The following TMEM45B variants were observed in gnomAD, a reference collection of about 807,000 sequenced individuals.
TMEM45B encodes the protein transmembrane protein 45B.
In TMEM45B, 29 loss-of-function variants were observed where a neutral mutation model predicts 27.3. That is an observed-to-expected ratio of 1.06 (90% CI 0.79 to 1.45). TMEM45B has a LOEUF of 1.45. Among genes scored for constraint, TMEM45B ranks in the 40% most tolerant of loss-of-function variants. The pLI, the probability that TMEM45B is intolerant of heterozygous loss-of-function variation, is 0.00. For missense variants in TMEM45B, 348 were observed against 343.9 expected, an observed-to-expected ratio of 1.01 and a Z score of -0.09; for synonymous variants, 143 against 134.7, an observed-to-expected ratio of 1.06 and a Z score of -0.43.
chr11:129,819,741 A>T (rs992446134), intron 1 of TMEM45B, among the ~76,000 whole-genome samples: 1 of 151,810 alleles, frequency 6.6e-6, no homozygotes, highest in African/African-American at 2.4e-5. Context: ...TTTTTAGTAG[A>T]GACGGGGTTT....
chr11:129,855,598 T>A, intron 3 of TMEM45B, 110 bp from the exon 4 acceptor site: 1 of 1,040,564 alleles, frequency 9.6e-7, no homozygotes, highest in Non-Finnish European at 1.5e-6. Flanking sequence ...TAATGTTATG[T>A]ACTAACTGCC....
At chr11:129,846,166 A>G (rs1289132338) in intron 1 of TMEM45B, among the ~76,000 whole-genome samples, 1 of 152,228 alleles carries the variant, frequency 6.6e-6, no homozygotes, top group Non-Finnish European at 1.5e-5. Flanking sequence ...TATTAACCCC[A>G]GAATAAAACA....
At chr11:129,832,072 A>G (rs1947555557) in intron 1 of TMEM45B, among the ~76,000 whole-genome samples, 1 of 149,022 alleles carries the variant, frequency 6.7e-6, no homozygotes, top group Non-Finnish European at 1.5e-5. Flanking sequence ...TCTCAAAAAA[A>G]AAAAAAAAAA....
intron 1 of TMEM45B, among the ~76,000 whole-genome samples, chr11:129,818,902 A>G (rs1253880719): frequency 6.6e-6 from 1 of 152,226 alleles, no homozygotes. Flanking sequence ...TCATTGGAGA[A>G]TTACAGCTAA....
intron 1 of TMEM45B, among the ~76,000 whole-genome samples, chr11:129,849,697 G>T (rs1248570206): frequency 6.6e-6 from 1 of 152,182 alleles, no homozygotes; most frequent in Non-Finnish European, 1.5e-5. Flanking sequence ...ACCTGCACCT[G>T]GTCCTGCTTG....
At chr11:129,846,763 T>C (rs1346372113) in intron 1 of TMEM45B, among the ~76,000 whole-genome samples, 5 of 152,184 alleles carry the variant, frequency 3.3e-5, no homozygotes, top group Non-Finnish European at 7.3e-5. Flanking sequence ...CTATTGTACA[T>C]GCAGGAGTCA....
At chr11:129,857,586 G>T (rs1325381360) in intron 5 of TMEM45B, 128 bp downstream of exon 5, 27 of 1,029,654 alleles carry the variant, frequency 2.6e-5, no homozygotes, top group Non-Finnish European at 3.7e-5. Context: ...TGCAGGGAAG[G>T]TATCACTACC....
intron 1 of TMEM45B, among the ~76,000 whole-genome samples, chr11:129,837,033 C>A (rs1329358945): frequency 2.0e-5 from 3 of 152,180 alleles, no homozygotes; most frequent in Admixed American, 6.5e-5. Flanking sequence ...GCCCCACAAC[C>A]AAGACCCCTG....
chr11:129,856,717 G>A (rs1463488471), intron 4 of TMEM45B, among the ~76,000 whole-genome samples: 21 of 151,098 alleles, frequency 1.4e-4, no homozygotes, highest in Admixed American at 4.0e-4. Flanking sequence ...CCGCCACCAC[G>A]CCTGGCTAAT....
At chr11:129,829,720 A>G (rs1947526005) in intron 1 of TMEM45B, among the ~76,000 whole-genome samples, 3 of 152,192 alleles carry the variant, frequency 2.0e-5, no homozygotes, top group Admixed American at 2.0e-4. Flanking sequence ...TGTTTCCTCC[A>G]GGCTGAATAG....
chr11:129,843,148 C>A (rs1222995657), intron 1 of TMEM45B, among the ~76,000 whole-genome samples: 1 of 152,162 alleles, frequency 6.6e-6, no homozygotes, highest in Non-Finnish European at 1.5e-5. Context: ...GCCATGTTGG[C>A]CAGGCTGGTC....
intron 1 of TMEM45B, among the ~76,000 whole-genome samples, chr11:129,829,339 T>C (rs1013414715): frequency 2.0e-5 from 3 of 152,232 alleles, no homozygotes; most frequent in African/African-American, 7.2e-5. Context: ...CTCAGGCCCA[T>C]GTGTGAGTTG....
intron 2 of TMEM45B, among the ~76,000 whole-genome samples, chr11:129,853,277 A>C (rs79901127): frequency 0.02 from 3,021 of 152,334 alleles, 97 homozygotes; most frequent in African/African-American, 0.068. Context: ...CTCCAGGAAC[A>C]AGCAGTGATG....
rs773789643 is a variant in TMEM45B at position 129,852,676 on chromosome 11, A to G, written c.178+16A>G. ...TCCGTCACTGGTAAGAGCAGGGGTC[A>G]TTTGGTCTAGGGAATCTCCTCATCA... On this transcript the variant is annotated intron_variant, in intron 2 of 5. Coordinates refer to ENST00000281441, the MANE Select transcript of TMEM45B (RefSeq NM_138788.5). 2 of 1,591,012 alleles carry G rather than the reference A, an allele frequency of 1.3e-6. No homozygotes were observed. The highest frequency in any genetic ancestry group is 2.7e-5 in the African/African-American group (2 of 74,550).
At chr11:129,840,234 A>G (rs1047638164) in intron 1 of TMEM45B, among the ~76,000 whole-genome samples, 41 of 152,350 alleles carry the variant, frequency 2.7e-4, no homozygotes, top group African/African-American at 9.4e-4. Context: ...TCAGTCTTCT[A>G]TGAATCATAC....
intron 1 of TMEM45B, among the ~76,000 whole-genome samples, chr11:129,850,090 G>C (rs184074939): frequency 1.3e-4 from 19 of 151,670 alleles, no homozygotes; most frequent in African/African-American, 4.6e-4. Context: ...TTCAGATATT[G>C]ACCTTTAGCT....
chr11:129,848,092 A>T (rs4323875), intron 1 of TMEM45B, among the ~76,000 whole-genome samples: 1 of 146,524 alleles, frequency 6.8e-6, no homozygotes, highest in Admixed American at 6.8e-5. Flanking sequence ...AGGCAGAGAC[A>T]CTCCTCACTT....
intron 1 of TMEM45B, among the ~76,000 whole-genome samples, chr11:129,843,068 T>A (rs1823911444): frequency 6.6e-6 from 1 of 152,190 alleles, no homozygotes; most frequent in African/African-American, 2.4e-5. Context: ...GCCTCCCGAG[T>A]GGCTGGAACT....
chr11:129,855,487 C>A (rs112380906), intron 3 of TMEM45B, among the ~76,000 whole-genome samples: 3 of 152,280 alleles, frequency 2.0e-5, no homozygotes, highest in African/African-American at 7.2e-5. Context: ...CTATACTGAC[C>A]CCACCATGGG....
Sources: gnomAD v4.1 joint callset for allele counts (sites outside exome capture counted in the v4.1 genomes callset) on GRCh38, gnomAD v4.1.1 for gene constraint, MANE v1.5 for transcripts, NCBI Gene and HGNC (gene_info 2026-07-23, HGNC 2026-07-21) for gene names.